PROM1: variants seen among roughly 807,000 people sequenced by gnomAD.
PROM1 encodes prominin 1, also known as prominin-1.
PROM1 carries 105 observed loss-of-function variants against 116.9 expected under a neutral mutation model. The ratio of observed to expected loss-of-function variants is 0.90; its 90% CI spans 0.77 to 1.06. The LOEUF (loss-of-function observed/expected upper bound fraction) is 1.06, where lower values mean the gene tolerates loss of function less well. PROM1 is among the 50% of genes least tolerant of loss of function. The probability of loss-of-function intolerance (pLI) is 0.00; values close to 1 mark genes in which losing one functional copy is unlikely to be tolerated. For missense variants in PROM1, 1,122 were observed against 1,045.2 expected (o/e 1.07, Z -1.01); for synonymous variants, 393 against 387.0 (o/e 1.02, Z -0.18).
intron 26 of PROM1, among the ~76,000 whole-genome samples, chr4:15,975,654 G>A (rs1419605364): frequency 6.6e-6 from 1 of 152,334 alleles, no homozygotes; most frequent in African/African-American, 2.4e-5. Context: ...CTCTAGGAGG[G>A]TCTGGGTGGA....
chr4:16,069,760 G>A (rs1308411866), intron 2 of PROM1, among the ~76,000 whole-genome samples: 1 of 151,972 alleles, frequency 6.6e-6, no homozygotes, highest in African/African-American at 2.4e-5. Context: ...ATTTAATAGC[G>A]TTCAACTGAG....
At chr4:15,974,331 T>C (rs1006659087) in intron 26 of PROM1, among the ~76,000 whole-genome samples, 1 of 152,174 alleles carries the variant, frequency 6.6e-6, no homozygotes, top group East Asian at 1.9e-4. Context: ...CGTAGGTTTA[T>C]ATGAAAGTCT....
At chr4:16,008,924 T>C in intron 12 of PROM1, 25 bp downstream of exon 12, 1 of 1,543,768 alleles carries the variant, frequency 6.5e-7, no homozygotes, top group Non-Finnish European at 8.9e-7. Flanking sequence ...CTCTCGTAGT[T>C]CACCAGCTCC....
chr4:16,036,598 T>C (rs987892091), intron 3 of PROM1, among the ~76,000 whole-genome samples: 2 of 152,158 alleles, frequency 1.3e-5, no homozygotes, highest in African/African-American at 2.4e-5. Flanking sequence ...TCACAGTGTG[T>C]GTTAAAGAAA....
At chr4:16,047,703 C>T (rs1434957328) in intron 2 of PROM1, among the ~76,000 whole-genome samples, 1 of 152,146 alleles carries the variant, frequency 6.6e-6, no homozygotes, top group Admixed American at 6.5e-5. Context: ...TCCACCCCAG[C>T]CAGCTATTGC....
At chr4:16,017,354 C>A (rs544907348) in intron 9 of PROM1, among the ~76,000 whole-genome samples, 4 of 152,162 alleles carry the variant, frequency 2.6e-5, no homozygotes, top group South Asian at 2.1e-4. Context: ...AAGTGCACCC[C>A]AAAAGGATCT....
chr4:16,031,381 C>T (rs1732664270), intron 5 of PROM1, among the ~76,000 whole-genome samples: 1 of 151,796 alleles, frequency 6.6e-6, no homozygotes, highest in Non-Finnish European at 1.5e-5. Context: ...GTGGGTTTGA[C>T]AGGTTTCAGG....
chr4:16,007,636 G>A (rs1427052221), intron 12 of PROM1, among the ~76,000 whole-genome samples: 1 of 152,236 alleles, frequency 6.6e-6, no homozygotes, highest in Non-Finnish European at 1.5e-5. Context: ...AGTTAAAGGA[G>A]CATCTGCTTA....
intron 2 of PROM1, among the ~76,000 whole-genome samples, chr4:16,057,495 C>A (rs1739325528): frequency 6.6e-6 from 1 of 152,216 alleles, no homozygotes; most frequent in South Asian, 2.1e-4. Flanking sequence ...GTCACATCAC[C>A]ACCTTCTGGC....
Position 16,033,511 on chromosome 4 carries a change from T to A in PROM1, c.304-2A>T. ...AATCCCTGCTTCATAGTAGACAATC[T>A]GCAATTCAAACAAAAGAAACAGCAC... On this transcript the variant is annotated splice_acceptor_variant, in intron 4 of 27. Transcript: ENST00000447510. LOFTEE classifies it high-confidence loss of function. The A allele has an allele frequency of 1.9e-6, 3 of 1,581,694 alleles. No individual in the cohort carries two copies. Among genetic ancestry groups the A allele is most frequent in the Non-Finnish European group, 2.6e-6 (3 of 1,161,748 alleles).
rs749784859 is a variant in PROM1, at chr4:15,994,030, A to C, written c.1724T>G (p.Leu575Arg). Residue 575 changes from leucine (L) to arginine (R), a missense_variant, in exon 16 of 28, where the codon CTG (leucine) becomes CGG (arginine). Transcript: ENST00000447510. ...KNRGTYGTLH[L>R]QNSFNISEHL... ...TTCACTGATATTGAAGCTGTTCTGC[A>C]GGTGAAGAGTGCCGTAAGTGCCTCT... 1.2e-6 allele frequency: 2 copies of C among 1,613,982 alleles called. No homozygotes were observed. The highest frequency in any genetic ancestry group is 8.5e-7 in the Non-Finnish European group (1 of 1,179,854).
intron 26 of PROM1, among the ~76,000 whole-genome samples, chr4:15,972,459 T>C (rs930392271): frequency 4.6e-5 from 7 of 152,160 alleles, no homozygotes; most frequent in African/African-American, 1.7e-4. Context: ...CCTCCTTTTA[T>C]CAGGAGCCCA....
At chr4:15,998,289 C>A in intron 15 of PROM1, 96 bp downstream of exon 15, 1 of 1,427,914 alleles carries the variant, frequency 7.0e-7, no homozygotes, top group Non-Finnish European at 9.2e-7. Context: ...ACATGAAAGT[C>A]ATATAATTAA....
rs1719285721 is a variant in PROM1, at chr4:15,985,956, C to T, written c.2211+1G>A. The T allele has an allele frequency of 1.9e-6, 2 of 1,048,228 alleles. No individual in the cohort carries two copies. The highest frequency in any genetic ancestry group is 2.4e-6 in the Non-Finnish European group (2 of 839,082). 64.9% of individuals were successfully genotyped at this position (1,048,228 alleles called of 1,614,324 possible). ...CGCTTACTTTAAAAAAGAAGGCTCA[C>T]CTCAATAATAACAGAGGAAGTATTG... On this transcript the variant is annotated splice_donor_variant, in intron 21 of 27. Coordinates refer to ENST00000447510, the MANE Select transcript of PROM1 (RefSeq NM_006017.3). LOFTEE classifies it high-confidence loss of function.
chr4:16,009,093 A>G lies in PROM1; in HGVS notation c.1157T>C (p.Leu386Ser). 1 of 1,612,994 alleles carries G rather than the reference A, an allele frequency of 6.2e-7. No individual in the cohort carries two copies. ...GTCGATATCTGAACCAATGGAATTC[A>G]AGACCCTTTTGATACCTGAAAACAA... ...TTVVAGIKRV[L>S]NSIGSDIDNV... is the part of the protein sequence containing the mutation. The change falls in exon 12 of 28, where the codon TTG becomes TCG. Residue 386 changes from leucine (L) to serine (S), a missense_variant. By Grantham distance (145) the Leu-to-Ser change is moderately radical. Coordinates refer to ENST00000447510, the MANE Select transcript of PROM1 (RefSeq NM_006017.3).
intron 3 of PROM1, among the ~76,000 whole-genome samples, chr4:16,037,823 C>T (rs1366994994): frequency 1.3e-5 from 2 of 152,214 alleles, no homozygotes; most frequent in African/African-American, 4.8e-5. Flanking sequence ...AAAGACCATT[C>T]TCCTGTTTAG....
At chr4:16,082,992 A>G (rs754281083) in intron 1 of PROM1, among the ~76,000 whole-genome samples, 1 of 151,718 alleles carries the variant, frequency 6.6e-6, no homozygotes, top group Non-Finnish European at 1.5e-5. Flanking sequence ...ATGCAAGCAG[A>G]AGGGCCGTGG....
chr4:16,056,201 G>A (rs1356415), intron 2 of PROM1, among the ~76,000 whole-genome samples: 10,155 of 152,164 alleles, frequency 0.067, 595 homozygotes, highest in East Asian at 0.29. Flanking sequence ...AGGAGCAGTC[G>A]GCCGCTTGGG....
intron 1 of PROM1, among the ~76,000 whole-genome samples, chr4:16,079,089 GT>G (rs34109441): frequency 0.2 from 30,929 of 150,964 alleles, 3,959 homozygotes; most frequent in Non-Finnish European, 0.29. Context: ...CTTTATCTTG[GT>G]TTTTTTTTTT....
Sources: gnomAD v4.1 joint callset for allele counts (sites outside exome capture counted in the v4.1 genomes callset) on GRCh38, gnomAD v4.1.1 for gene constraint, MANE v1.5 for transcripts, NCBI Gene and HGNC (gene_info 2026-07-23, HGNC 2026-07-21) for gene names.